The following IL21 variants were observed in gnomAD, a reference collection of about 807,000 sequenced individuals.
The protein encoded by IL21 is interleukin-21.
IL21 carries 3 observed loss-of-function variants against 18.4 expected under a neutral mutation model. That is an observed-to-expected ratio of 0.16 (90% CI 0.07 to 0.42). The LOEUF is 0.42. Among genes scored for constraint, IL21 ranks in the 10% least tolerant of loss-of-function variants. The pLI is 0.99. For missense variants in IL21, 130 were observed against 188.4 expected (o/e 0.69, Z 1.81); for synonymous variants, 37 against 62.0 (o/e 0.60, Z 1.90).
chr4:122,612,966 T>G, intron 3 of IL21, 38 bp from the exon 4 acceptor site: 1 of 1,329,782 alleles, frequency 7.5e-7, no homozygotes, highest in Non-Finnish European at 1.0e-6. Context: ...TTCTTTAAAA[T>G]TTTTTTCGTA....
intron 3 of IL21, among the ~76,000 whole-genome samples, chr4:122,613,941 A>G (rs1410756819): frequency 3.3e-5 from 5 of 152,184 alleles, no homozygotes; most frequent in Non-Finnish European, 1.5e-5. Context: ...TTTTTCATAT[A>G]TGGATTGCTC....
intron 2 of IL21, among the ~76,000 whole-genome samples, 188 bp from the exon 3 acceptor site, chr4:122,616,025 G>A (rs1356321745): frequency 2.0e-5 from 3 of 152,182 alleles, no homozygotes; most frequent in South Asian, 2.1e-4. Context: ...CCCCTGCTTC[G>A]CAGATAAGAG....
rs1799266226 is a variant in IL21 at position 122,611,813 on chromosome 4, AGAAAC to A, written c.*892_*896del. Among the ~76,000 whole-genome samples the A allele has an allele frequency of 6.6e-6, 1 of 152,322 alleles. No homozygotes were observed. Among genetic ancestry groups the A allele is most frequent in the Non-Finnish European group, 1.5e-5 (1 of 68,016 alleles). On this transcript the variant is annotated 3_prime_UTR_variant, in exon 5 of 5. Coordinates refer to ENST00000648588, the MANE Select transcript of IL21 (RefSeq NM_021803.4). ...TTTCATTTTAAAAAGAAGGAAGAAA[AGAAAC>A]GAAAGAAGAAAGAAGGAGACAAATA... is the stretch of plus-strand genomic sequence containing the variant.
rs1799418393 is a variant in IL21 at position 122,620,897 on chromosome 4, T to C, written c.115A>G (p.Met39Val). 1 of 1,614,010 alleles carries C rather than the reference T, an allele frequency of 6.2e-7. No individual in the cohort carries two copies. The highest frequency in any genetic ancestry group is 1.1e-5 in the South Asian group (1 of 91,090). ...TCAACAATATCTATAAGTTGACGCA[T>C]TCTAATCATGTGGCGATCTTGACCT... The part of the protein sequence containing the change: ...SQGQDRHMIR[M>V]RQLIDIVDQL... Residue 39 changes from methionine to valine, a missense_variant, in exon 1 of 5, where the codon ATG (methionine) becomes GTG (valine). Coordinates refer to ENST00000648588, the MANE Select transcript of IL21 (RefSeq NM_021803.4).
chr4:122,618,867 A>G (rs1799381917), intron 2 of IL21: 1 of 150,550 alleles, frequency 6.6e-6, no homozygotes, highest in Non-Finnish European at 1.5e-5. Flanking sequence ...CTAGGTTTAT[A>G]TCAGGGTTTC....
At position 122,620,855 on chromosome 4, in the gene IL21, C is replaced by T; in HGVS notation, c.157G>A (p.Val53Met). 6.2e-7 allele frequency: 1 copy of T among 1,613,968 alleles called. No homozygotes were observed. Reference protein sequence around the residue: ...IDIVDQLKNYVNDLVPEFLPA... With the variant: ...IDIVDQLKNYMNDLVPEFLPA... ...AAATATAGTCTTACCAAGTCATTCA[C>T]ATAATTTTTCAGCTGATCAACAATA... The change falls in exon 1 of 5, where the codon GTG (valine) becomes ATG (methionine). Residue 53 changes from valine to methionine, a missense_variant. Physicochemically the swap from Val to Met is conservative, Grantham distance 21. Transcript: ENST00000648588.
At position 122,610,683 on chromosome 4, in the gene IL21, T is replaced by A. The variant is rs2150683883; in HGVS notation, c.*2027A>T. On this transcript the variant is annotated 3_prime_UTR_variant, in exon 5 of 5. Coordinates refer to ENST00000648588, the MANE Select transcript of IL21 (RefSeq NM_021803.4). ...AGTTTAAACAGTGACCACTATTTCA[T>A]AGTCAACAAAATTTCACGTCTCCTG... Among the ~76,000 whole-genome samples, 1 of 152,360 alleles carries A rather than the reference T, an allele frequency of 6.6e-6. No individual in the cohort carries two copies. The highest frequency in any genetic ancestry group is 1.5e-5 in the Non-Finnish European group (1 of 68,022).
chr4:122,613,700 T>A (rs1799296407), intron 3 of IL21, among the ~76,000 whole-genome samples: 2 of 152,282 alleles, frequency 1.3e-5, no homozygotes, highest in South Asian at 4.2e-4. Context: ...AACATCTCTG[T>A]AAATAATTTT....
At chr4:122,615,578 G>A (rs1799325420) in intron 3 of IL21, 104 bp downstream of exon 3, 2 of 1,007,006 alleles carry the variant, frequency 2.0e-6, no homozygotes, top group Non-Finnish European at 2.9e-6. Context: ...TATAGGTAAG[G>A]AAGACACCAG....
In IL21 at chr4:122,620,827, G is replaced by A. The variant is rs771814861; in HGVS notation, c.168+17C>T. On this transcript the variant is annotated intron_variant, in intron 1 of 4. Coordinates refer to ENST00000648588, the MANE Select transcript of IL21 (RefSeq NM_021803.4). ...AAAAGTATGATTTAGATTTTGTTGT[G>A]ACAAATATAGTCTTACCAAGTCATT... is the stretch of plus-strand genomic sequence containing the variant. 7 of 1,612,772 alleles carry A rather than the reference G, an allele frequency of 4.3e-6. No homozygotes were observed. Among genetic ancestry groups the A allele is most frequent in the Non-Finnish European group, 5.1e-6 (6 of 1,179,002 alleles).
At chr4:122,616,029 A>G (rs989070776) in intron 2 of IL21, among the ~76,000 whole-genome samples, 192 bp from the exon 3 acceptor site, 1 of 152,250 alleles carries the variant, frequency 6.6e-6, no homozygotes, top group Non-Finnish European at 1.5e-5. Context: ...TGCTTCGCAG[A>G]TAAGAGAGAA....
At position 122,612,575 on chromosome 4, in the gene IL21, A is replaced by G. The variant is rs1446449358; in HGVS notation, c.*135T>C. 2 of 638,446 alleles carry G rather than the reference A, an allele frequency of 3.1e-6. No individual in the cohort carries two copies. The highest frequency in any genetic ancestry group is 1.8e-5 in the African/African-American group (1 of 54,860). The allele number at this position is 638,446 out of a possible 1,614,324, so 39.5% of individuals were successfully genotyped here. A position where few individuals can be genotyped will look rare whatever the true frequency, so the allele number is the denominator to read the frequency against. ...ATTGTATAGTGATTATGGGGAAATA[A>G]TCCTGACTTTGCACACTTATGAGTT... On this transcript the variant is annotated 3_prime_UTR_variant, in exon 5 of 5. Transcript: ENST00000648588.
intron 2 of IL21, among the ~76,000 whole-genome samples, chr4:122,616,778 A>C (rs986514964): frequency 5.9e-5 from 9 of 152,242 alleles, no homozygotes; most frequent in African/African-American, 2.2e-4. Context: ...GAAAAATTTT[A>C]ATGCTGATCC....
chr4:122,620,980 A>G lies in IL21; in HGVS notation c.32T>C (p.Ile11Thr), dbSNP rs1799420724. MRSSPGNMER[I>T]VICLMVIFLG... is the part of the protein sequence containing the mutation. The stretch of plus-strand genomic sequence containing the variant: ...GAAGATGACCATCAGACAGATGACA[A>G]TCCTCTCCATGTTGCCAGGACTGGA... The change falls in exon 1 of 5, where the codon ATT becomes ACT. Residue 11 changes from isoleucine to threonine, a missense_variant. Coordinates refer to ENST00000648588, the MANE Select transcript of IL21 (RefSeq NM_021803.4). 10 of 1,613,992 alleles carry G rather than the reference A, an allele frequency of 6.2e-6. No homozygotes were observed. Among genetic ancestry groups the G allele is most frequent in the South Asian group, 1.1e-5 (1 of 91,074 alleles).
intron 3 of IL21, among the ~76,000 whole-genome samples, chr4:122,614,668 T>C (rs1799312623): frequency 6.6e-6 from 1 of 152,094 alleles, no homozygotes. Context: ...ACCTTGCCAC[T>C]GCACTCCAGC....
chr4:122,616,918 A>G (rs543245902), intron 2 of IL21, among the ~76,000 whole-genome samples: 1 of 152,302 alleles, frequency 6.6e-6, no homozygotes, highest in East Asian at 1.9e-4. Context: ...CTACTACCTT[A>G]TAACCAGAAG....
Position 122,611,246 on chromosome 4 carries a change from TAAAAC to T in IL21, c.*1459_*1463del, listed in dbSNP as rs1799260503. Among the ~76,000 whole-genome samples the T allele has an allele frequency of 6.6e-6, 1 of 152,206 alleles. No homozygotes were observed. The highest frequency in any genetic ancestry group is 2.4e-5 in the African/African-American group (1 of 41,460). On this transcript the variant is annotated 3_prime_UTR_variant, in exon 5 of 5. Coordinates refer to ENST00000648588, the MANE Select transcript of IL21 (RefSeq NM_021803.4). ...CTTTGTCATACATGTTCTAAAATGTTAAAACAGAGTACCTTGTTTCTGATGATAAA... is the reference window on the plus strand; with the variant it reads ...CTTTGTCATACATGTTCTAAAATGTTAGAGTACCTTGTTTCTGATGATAAA...
intron 3 of IL21, 39 bp from the exon 4 acceptor site, chr4:122,612,967 T>A: frequency 7.5e-7 from 1 of 1,329,612 alleles, no homozygotes; most frequent in Non-Finnish European, 1.0e-6. Flanking sequence ...TCTTTAAAAT[T>A]TTTTTCGTAA....
chr4:122,618,574 A>C, intron 2 of IL21, among the ~76,000 whole-genome samples: 1 of 152,152 alleles, frequency 6.6e-6, no homozygotes, highest in Non-Finnish European at 1.5e-5. Flanking sequence ...TGGGAGGCCA[A>C]GGCAGGTGGA....
Sources: gnomAD v4.1 joint callset for allele counts (sites outside exome capture counted in the v4.1 genomes callset) on GRCh38, gnomAD v4.1.1 for gene constraint, MANE v1.5 for transcripts, NCBI Gene and HGNC (gene_info 2026-07-23, HGNC 2026-07-21) for gene names.